Variants in ZCCHC7 observed in about 807,000 individuals in gnomAD.
ZCCHC7 encodes zinc finger CCHC domain-containing protein 7.
In ZCCHC7, 35 loss-of-function variants were observed where a neutral mutation model predicts 52.0. That is an observed-to-expected ratio of 0.67 (90% CI 0.51 to 0.89). The LOEUF (loss-of-function observed/expected upper bound fraction) is 0.89, where lower values mean the gene tolerates loss of function less well. Ranked by LOEUF, ZCCHC7 falls within the 40% of genes least tolerant of loss-of-function variation. The pLI is 0.00. For synonymous variants in ZCCHC7, 217 were observed against 221.5 expected, an observed-to-expected ratio of 0.98 and a Z score of 0.18; for missense variants, 574 against 649.1, an observed-to-expected ratio of 0.88 and a Z score of 1.26.
chr9:37,131,872 T>C (rs1842799351), intron 2 of ZCCHC7, among the ~76,000 whole-genome samples: 1 of 152,176 alleles, frequency 6.6e-6, no homozygotes, highest in African/African-American at 2.4e-5. Context: ...CATATAGATA[T>C]ATGATGGTGG....
At chr9:37,351,456 C>T (rs550876212) in intron 7 of ZCCHC7, among the ~76,000 whole-genome samples, 1 of 152,188 alleles carries the variant, frequency 6.6e-6, no homozygotes, top group Admixed American at 6.5e-5. Context: ...CAGGCACACA[C>T]CACTGTGCCC....
At chr9:37,224,990 T>C (rs1311166795) in intron 2 of ZCCHC7, among the ~76,000 whole-genome samples, 1 of 152,218 alleles carries the variant, frequency 6.6e-6, no homozygotes, top group African/African-American at 2.4e-5. Context: ...CTGAAGAACA[T>C]TTAAGCCAGA....
At chr9:37,252,982 T>C (rs1210914996) in intron 2 of ZCCHC7, among the ~76,000 whole-genome samples, 1 of 152,230 alleles carries the variant, frequency 6.6e-6, no homozygotes, top group East Asian at 1.9e-4. Context: ...AAATTTATGT[T>C]AAAATGAGCT....
rs971457050 is a variant in ZCCHC7, at chr9:37,258,608, T to C, written c.611-43580T>C. On this transcript the variant is annotated intron_variant, in intron 2 of 8. Coordinates refer to ENST00000336755, the MANE Select transcript of ZCCHC7 (RefSeq NM_032226.3). ...CCAGCTCTACAAAAAATACAAAAAT[T>C]GGCGTGGCACATGCCGGTAGTCCCA... Among the ~76,000 whole-genome samples, 7 of 151,322 alleles carry C rather than the reference T, an allele frequency of 4.6e-5. No homozygotes were observed. The South Asian group carries it at 1.2e-3, about 27-fold the overall frequency.
intron 5 of ZCCHC7, among the ~76,000 whole-genome samples, chr9:37,306,280 G>GC (rs1829301101): frequency 6.6e-6 from 1 of 151,626 alleles, no homozygotes; most frequent in African/African-American, 2.4e-5. Context: ...TGTTGGCCAT[G>GC]CTGGTCTCGA....
At chr9:37,150,641 T>C (rs148684766) in intron 2 of ZCCHC7, among the ~76,000 whole-genome samples, 146 of 152,286 alleles carry the variant, frequency 9.6e-4, no homozygotes, top group African/African-American at 3.4e-3. Context: ...TTGCATCACA[T>C]ATAAATGTAA....
intron 2 of ZCCHC7, among the ~76,000 whole-genome samples, chr9:37,200,019 T>A (rs1823547412): frequency 6.6e-6 from 1 of 152,184 alleles, no homozygotes; most frequent in Non-Finnish European, 1.5e-5. Context: ...TTCTTTTTCT[T>A]ACCGCGCTCT....
intron 2 of ZCCHC7, among the ~76,000 whole-genome samples, chr9:37,289,668 G>C (rs1828437768): frequency 6.6e-6 from 1 of 152,034 alleles, no homozygotes; most frequent in African/African-American, 2.4e-5. Context: ...GATTCTTTGA[G>C]TTATAAGTCA....
intron 2 of ZCCHC7, among the ~76,000 whole-genome samples, chr9:37,160,595 A>G (rs536797477): frequency 6.6e-6 from 1 of 152,234 alleles, no homozygotes; most frequent in African/African-American, 2.4e-5. Flanking sequence ...TGTATGTCAC[A>G]TTTAACATGG....
chr9:37,162,822 C>T (rs1346081825), intron 2 of ZCCHC7, among the ~76,000 whole-genome samples: 1 of 152,204 alleles, frequency 6.6e-6, no homozygotes, highest in African/African-American at 2.4e-5. Flanking sequence ...CCTGTCATCT[C>T]AACACTTTGG....
At chr9:37,318,670 T>C (rs1227354744) in intron 5 of ZCCHC7, among the ~76,000 whole-genome samples, 1 of 152,052 alleles carries the variant, frequency 6.6e-6, no homozygotes, top group Non-Finnish European at 1.5e-5. Flanking sequence ...CCCAGCACTT[T>C]GGGAGGCCGA....
chr9:37,120,794 C>T (rs1439816977), intron 1 of ZCCHC7, 171 bp downstream of exon 1: 2 of 319,894 alleles, frequency 6.3e-6, no homozygotes, highest in Admixed American at 5.0e-5. Flanking sequence ...ACCTGCGCGC[C>T]GCCCCACGCG....
At chr9:37,126,017 A>G (rs1328438500) in intron 1 of ZCCHC7, among the ~76,000 whole-genome samples, 1 of 152,318 alleles carries the variant, frequency 6.6e-6, no homozygotes, top group African/African-American at 2.4e-5. Context: ...AAATCATCCT[A>G]TGAAGTTTGC....
At chr9:37,292,466 A>C (rs1828586183) in intron 2 of ZCCHC7, among the ~76,000 whole-genome samples, 1 of 152,230 alleles carries the variant, frequency 6.6e-6, no homozygotes, top group Admixed American at 6.5e-5. Context: ...GAAGAAAAAT[A>C]ATGTACTTCA....
At chr9:37,155,481 T>A (rs1475610068) in intron 2 of ZCCHC7, among the ~76,000 whole-genome samples, 3 of 152,258 alleles carry the variant, frequency 2.0e-5, no homozygotes, top group African/African-American at 7.2e-5. Flanking sequence ...AATAATTTTT[T>A]AATTAAATAT....
At chr9:37,334,543 G>C (rs907939187) in intron 6 of ZCCHC7, among the ~76,000 whole-genome samples, 1 of 151,874 alleles carries the variant, frequency 6.6e-6, no homozygotes, top group African/African-American at 2.4e-5. Context: ...TTAAGTTTTA[G>C]GTTTCAAAAG....
chr9:37,128,763 A>G (rs934835191), intron 2 of ZCCHC7, among the ~76,000 whole-genome samples: 1 of 152,232 alleles, frequency 6.6e-6, no homozygotes, highest in African/African-American at 2.4e-5. Flanking sequence ...TATTCAGTCA[A>G]AATTAAAATG....
At chr9:37,132,930 A>G (rs981650229) in intron 2 of ZCCHC7, among the ~76,000 whole-genome samples, 6 of 152,166 alleles carry the variant, frequency 3.9e-5, no homozygotes, top group African/African-American at 1.4e-4. Flanking sequence ...CGAGGTCTGG[A>G]GTTCGAGACT....
At chr9:37,224,475 CTTCAAACTAGAAAAGCAG>C (rs961168966) in intron 2 of ZCCHC7, among the ~76,000 whole-genome samples, 4 of 152,164 alleles carry the variant, frequency 2.6e-5, no homozygotes, top group Admixed American at 2.0e-4. Flanking sequence ...TACACTCCTG[CTTCAAACTAGAAAAGCAG>C]TCTACAAAAT....
Sources: allele counts gnomAD v4.1 joint callset (sites outside exome capture counted in the v4.1 genomes callset), GRCh38; gene constraint gnomAD v4.1.1; transcripts MANE v1.5; gene names NCBI Gene and HGNC (gene_info 2026-07-23, HGNC 2026-07-21).